Variants in TMEM242 observed in about 807,000 individuals in gnomAD.
The protein encoded by TMEM242 is UPF0463 transmembrane protein C6orf35.
Under a neutral mutation model 18.2 loss-of-function variants are expected in TMEM242, and 10 were observed. That is an observed-to-expected ratio of 0.55 (90% CI 0.34 to 0.93). The LOEUF is 0.93. Among genes scored for constraint, TMEM242 ranks in the 40% least tolerant of loss-of-function variants. The probability of loss-of-function intolerance (pLI) is 0.02; values close to 1 mark genes in which losing one functional copy is unlikely to be tolerated. For synonymous variants in TMEM242, 57 were observed against 69.9 expected, an observed-to-expected ratio of 0.81 and a Z score of 0.92; for missense variants, 186 against 175.5, an observed-to-expected ratio of 1.06 and a Z score of -0.34.
At chr6:157,304,868 G>A (rs1777888581) in intron 3 of TMEM242, among the ~76,000 whole-genome samples, 1 of 152,160 alleles carries the variant, frequency 6.6e-6, no homozygotes, top group African/African-American at 2.4e-5. Flanking sequence ...CCTGGGGAAG[G>A]AGTTTCCTGG....
intron 2 of TMEM242, among the ~76,000 whole-genome samples, chr6:157,320,910 A>G (rs1554250670): frequency 6.6e-6 from 1 of 152,090 alleles, no homozygotes; most frequent in African/African-American, 2.4e-5. Context: ...AAAAGTGGCT[A>G]GTTCAGCTTG....
At chr6:157,313,113 T>G (rs79138449) in intron 3 of TMEM242, among the ~76,000 whole-genome samples, 2 of 6,168 alleles carry the variant, frequency 3.2e-4, no homozygotes, top group African/African-American at 1.2e-3. Flanking sequence ...TCCCAGTGTG[T>G]GCTCACCCGG....
chr6:157,311,390 ACC>A (rs1554248770), intron 3 of TMEM242, among the ~76,000 whole-genome samples: 2,340 of 106,762 alleles, frequency 0.022, 12 homozygotes, highest in Non-Finnish European at 0.027. Flanking sequence ...GTGTGCGCTC[ACC>A]TAGCCTCATC....
intron 3 of TMEM242, among the ~76,000 whole-genome samples, chr6:157,298,265 A>G (rs782180557): frequency 6.6e-6 from 1 of 152,216 alleles, no homozygotes; most frequent in African/African-American, 2.4e-5. Context: ...CGATTCTAAA[A>G]TGATTTTTAC....
intron 1 of TMEM242, 67 bp from the exon 2 acceptor site, chr6:157,322,872 G>T: frequency 1.5e-6 from 2 of 1,357,190 alleles, no homozygotes; most frequent in Non-Finnish European, 1.0e-6. Context: ...TTAAAAAGAT[G>T]TACAAAAGTA....
chr6:157,294,894 C>G (rs9347413), intron 3 of TMEM242, among the ~76,000 whole-genome samples: 96,714 of 152,044 alleles, frequency 0.64, 31,792 homozygotes, highest in East Asian at 0.96. Flanking sequence ...TTAAGCCATA[C>G]TTTCCACATA....
At chr6:157,323,319 A>AATGTGT in intron 1 of TMEM242, 93 bp downstream of exon 1, 1 of 1,362,258 alleles carries the variant, frequency 7.3e-7, no homozygotes, top group Non-Finnish European at 1.0e-6. Context: ...GGGCTCTCAG[A>AATGTGT]GCGGGATGTG....
At chr6:157,312,662 C>A (rs1554249366) in intron 3 of TMEM242, among the ~76,000 whole-genome samples, 2 of 151,820 alleles carry the variant, frequency 1.3e-5, no homozygotes, top group Non-Finnish European at 2.9e-5. Flanking sequence ...ATCATAGTGC[C>A]CCAGGGTGCA....
chr6:157,299,853 G>A, intron 3 of TMEM242: 1 of 1,612,868 alleles, frequency 6.2e-7, no homozygotes, highest in Non-Finnish European at 8.5e-7. Flanking sequence ...CCTTCATCAA[G>A]ATCCACAAGG....
chr6:157,314,928 T>C (rs1439553200), intron 3 of TMEM242, among the ~76,000 whole-genome samples: 1 of 152,228 alleles, frequency 6.6e-6, no homozygotes, highest in African/African-American at 2.4e-5. Flanking sequence ...GGTTAACCAT[T>C]AGATGGCACC....
At position 157,292,757 on chromosome 6, in the gene TMEM242, G is replaced by A. The variant is rs1777700338; in HGVS notation, c.*144C>T. On this transcript the variant is annotated 3_prime_UTR_variant, in exon 4 of 4. Coordinates refer to ENST00000400788, the MANE Select transcript of TMEM242 (RefSeq NM_018452.6). The stretch of plus-strand genomic sequence containing the variant: ...GCACACACATACTCTCCTGTGATGA[G>A]GCTGAATGCTATCCAGTGCACTGGT... 1 of 633,114 alleles carries A rather than the reference G, an allele frequency of 1.6e-6. No homozygotes were observed. The highest frequency in any genetic ancestry group is 2.8e-6 in the Non-Finnish European group (1 of 357,942). 39.2% of individuals were successfully genotyped at this position (633,114 alleles called of 1,614,324 possible).
chr6:157,322,877 A>G (rs1469747960), intron 1 of TMEM242, 72 bp from the exon 2 acceptor site: 3 of 1,335,994 alleles, frequency 2.2e-6, no homozygotes, highest in Non-Finnish European at 3.2e-6. Context: ...AAGATGTACA[A>G]AAGTAAGTTT....
At position 157,298,497 on chromosome 6, in the gene TMEM242, G is replaced by A. The variant is rs894203114; in HGVS notation, c.328-5498C>T. ...GGTGTGCGCACATACACAAGTGTGTGCATGTACACACATGCCCAACATGCA... is the reference window on the plus strand; with the variant it reads ...GGTGTGCGCACATACACAAGTGTGTACATGTACACACATGCCCAACATGCA... On this transcript the variant is annotated intron_variant, in intron 3 of 3. Coordinates refer to ENST00000400788, the MANE Select transcript of TMEM242 (RefSeq NM_018452.6). 3.9e-5 allele frequency among the ~76,000 whole-genome samples: 6 copies of A among 152,152 alleles called. No individual in the cohort carries two copies. The South Asian group carries it at 1.2e-3, about 32-fold the overall frequency.
chr6:157,320,714 G>A (rs916348373), intron 2 of TMEM242, among the ~76,000 whole-genome samples: 1 of 152,070 alleles, frequency 6.6e-6, no homozygotes, highest in Non-Finnish European at 1.5e-5. Flanking sequence ...AAAGTGATCC[G>A]CCTCCCTCAG....
chr6:157,317,833 C>T (rs782023877), intron 3 of TMEM242, among the ~76,000 whole-genome samples: 3 of 152,238 alleles, frequency 2.0e-5, no homozygotes, highest in African/African-American at 2.4e-5. Flanking sequence ...ATCCAATCAA[C>T]AACAAATCTT....
chr6:157,313,556 C>CAT (rs1778285950), intron 3 of TMEM242, among the ~76,000 whole-genome samples: 1,882 of 59,892 alleles, frequency 0.031, no homozygotes, highest in East Asian at 0.28. Flanking sequence ...CCAGTGTTCG[C>CAT]TCACCTAGCC....
intron 3 of TMEM242, among the ~76,000 whole-genome samples, chr6:157,296,614 T>C (rs1445304308): frequency 6.6e-6 from 1 of 152,112 alleles, no homozygotes; most frequent in Non-Finnish European, 1.5e-5. Context: ...ACCCAGAAAG[T>C]GGAGGTTGCA....
At position 157,289,292 on chromosome 6, in the gene TMEM242, T is replaced by C. The variant is rs1248911894; in HGVS notation, c.*3609A>G. On this transcript the variant is annotated 3_prime_UTR_variant, in exon 4 of 4. Transcript: ENST00000400788. ...CCTCACTCATTATTACAGATTCATGTCACTGCTTGTGAGAGATGCTTGCTT... is the reference window on the plus strand; with the variant it reads ...CCTCACTCATTATTACAGATTCATGCCACTGCTTGTGAGAGATGCTTGCTT... The C allele has an allele frequency of 6.6e-6, 1 of 152,212 alleles. No homozygotes were observed. Among genetic ancestry groups the C allele is most frequent in the Admixed American group, 6.5e-5 (1 of 15,282 alleles). The allele number at this position is 152,212 out of a possible 1,614,324, so 9.4% of individuals were successfully genotyped here. A position where few individuals can be genotyped will look rare whatever the true frequency, so the allele number is the denominator to read the frequency against.
At position 157,292,881 on chromosome 6, in the gene TMEM242, G is replaced by C; in HGVS notation, c.*20C>G. 1.9e-6 allele frequency: 3 copies of C among 1,588,518 alleles called. No individual in the cohort carries two copies. Among genetic ancestry groups the C allele is most frequent in the Non-Finnish European group, 1.7e-6 (2 of 1,157,614 alleles). The stretch of plus-strand genomic sequence containing the variant: ...CACCCCTTTCTGTAACAAGCATTTT[G>C]AAATTCATCCATGCTCATCTCATTT... On this transcript the variant is annotated 3_prime_UTR_variant, in exon 4 of 4. Transcript: ENST00000400788.
Sources: gnomAD v4.1 joint callset for allele counts (sites outside exome capture counted in the v4.1 genomes callset) on GRCh38, gnomAD v4.1.1 for gene constraint, MANE v1.5 for transcripts, NCBI Gene and HGNC (gene_info 2026-07-23, HGNC 2026-07-21) for gene names.